The following DYNC2LI1 variants were observed in gnomAD, a reference collection of about 807,000 sequenced individuals.
DYNC2LI1 encodes dynein cytoplasmic 2 light intermediate chain 1, also known as cytoplasmic dynein 2 light intermediate chain 1.
Under a neutral mutation model 51.9 loss-of-function variants are expected in DYNC2LI1, and 45 were observed. The ratio of observed to expected loss-of-function variants is 0.87; its 90% CI spans 0.68 to 1.11. The LOEUF (loss-of-function observed/expected upper bound fraction) is 1.11, where lower values mean the gene tolerates loss of function less well. DYNC2LI1 is among the 50% of genes most tolerant of loss of function. The probability of loss-of-function intolerance (pLI) is 0.00; values close to 1 mark genes in which losing one functional copy is unlikely to be tolerated. For synonymous variants in DYNC2LI1, 130 were observed against 137.8 expected, an observed-to-expected ratio of 0.94 and a Z score of 0.40; for missense variants, 490 against 417.4, an observed-to-expected ratio of 1.17 and a Z score of -1.51.
At chr2:43,780,730 G>A (rs1673236870) in intron 2 of DYNC2LI1, among the ~76,000 whole-genome samples, 1 of 152,044 alleles carries the variant, frequency 6.6e-6, no homozygotes, top group African/African-American at 2.4e-5. Flanking sequence ...GGGATTATTG[G>A]GCCAGATTAA....
chr2:43,800,143 C>G (rs775191761), intron 8 of DYNC2LI1, among the ~76,000 whole-genome samples: 4 of 152,188 alleles, frequency 2.6e-5, no homozygotes, highest in African/African-American at 9.7e-5. Context: ...GAAATCCAAT[C>G]TAGCTTTTAA....
the DYNC2LI1 span, chr2:43,823,786 G>T: frequency 9.1e-7 from 1 of 1,095,216 alleles, no homozygotes; most frequent in Non-Finnish European, 1.3e-6. Context: ...CCCAGAGAGG[G>T]AACCTGGAGA....
chr2:43,788,772 C>T (rs1240702518), intron 4 of DYNC2LI1, among the ~76,000 whole-genome samples: 3 of 152,142 alleles, frequency 2.0e-5, no homozygotes, highest in Admixed American at 6.6e-5. Context: ...AAATTCACTA[C>T]AAGCATGTAC....
the DYNC2LI1 span, among the ~76,000 whole-genome samples, chr2:43,820,453 C>T: frequency 6.6e-6 from 1 of 152,116 alleles, no homozygotes; most frequent in Non-Finnish European, 1.5e-5. Flanking sequence ...TCTGCCTAGC[C>T]AACACCACAC....
intron 2 of DYNC2LI1, among the ~76,000 whole-genome samples, chr2:43,779,012 T>C (rs1190723250): frequency 6.6e-6 from 1 of 152,158 alleles, no homozygotes; most frequent in Non-Finnish European, 1.5e-5. Context: ...TCCCAGGACT[T>C]TGGGAGGCTG....
chr2:43,789,177 T>C (rs1460386433), intron 4 of DYNC2LI1, among the ~76,000 whole-genome samples: 1 of 152,226 alleles, frequency 6.6e-6, no homozygotes, highest in African/African-American at 2.4e-5. Flanking sequence ...CTTTTCTTCA[T>C]GCTTTACGTG....
chr2:43,810,487 C>A, downstream of DYNC2LI1: 2 of 985,388 alleles, frequency 2.0e-6, no homozygotes, highest in Non-Finnish European at 2.4e-6. Context: ...CCATTCCAAT[C>A]TGTAGATGTG....
chr2:43,828,314 A>T, the DYNC2LI1 span: 1 of 702,794 alleles, frequency 1.4e-6, no homozygotes, highest in Non-Finnish European at 2.4e-6. Flanking sequence ...CATGTGTCAG[A>T]TTTAAATAAA....
chr2:43,778,985 G>C (rs1199540172), intron 2 of DYNC2LI1, among the ~76,000 whole-genome samples: 1 of 152,188 alleles, frequency 6.6e-6, no homozygotes, highest in Non-Finnish European at 1.5e-5. Context: ...GCTGAGTGCA[G>C]TAGCTCATGC....
In DYNC2LI1 at chr2:43,807,743, C is replaced by CAAAA. The variant is rs536977133; in HGVS notation, c.994-1935_994-1932dup. Among the ~76,000 whole-genome samples the CAAAA allele has an allele frequency of 3.0e-3, 127 of 41,642 alleles. 9 individuals carry two copies. Among genetic ancestry groups the CAAAA allele is most frequent in the African/African-American group, 6.8e-3 (95 of 13,934 alleles). 27.3% of individuals were successfully genotyped at this position (41,642 alleles called of 152,430 possible). ...TTCTTTTCTATTATTTTTGTTAAAG[C>CAAAA]AAAAAAAAAAAAAAAAAAAAAAAAA... On this transcript the variant is annotated intron_variant, in intron 12 of 12. Coordinates refer to ENST00000260605, the MANE Select transcript of DYNC2LI1 (RefSeq NM_016008.4).
At chr2:43,806,858 C>G (rs1417279582) in intron 12 of DYNC2LI1, among the ~76,000 whole-genome samples, 3 of 152,074 alleles carry the variant, frequency 2.0e-5, no homozygotes, top group African/African-American at 7.2e-5. Context: ...TATCTCACTG[C>G]CAGCAGATCA....
chr2:43,796,694 T>C, intron 7 of DYNC2LI1, 24 bp from the exon 8 acceptor site: 1 of 1,566,000 alleles, frequency 6.4e-7, no homozygotes, highest in Non-Finnish European at 8.8e-7. Flanking sequence ...TATCTTGACT[T>C]TTTAAAATAA....
intron 9 of DYNC2LI1, 68 bp from the exon 10 acceptor site, chr2:43,801,571 T>TACA: frequency 8.5e-7 from 1 of 1,169,884 alleles, no homozygotes. Context: ...TGCTGTCATA[T>TACA]TTACAGGAGA....
At chr2:43,817,484 G>C in the DYNC2LI1 span, among the ~76,000 whole-genome samples, 1 of 149,936 alleles carries the variant, frequency 6.7e-6, no homozygotes, top group Non-Finnish European at 1.5e-5. Context: ...GTGAGACTCT[G>C]CGTCAAGAAA....
chr2:43,817,170 T>C, the DYNC2LI1 span, among the ~76,000 whole-genome samples: 2 of 152,236 alleles, frequency 1.3e-5, no homozygotes, highest in African/African-American at 2.4e-5. Context: ...TTTAGTATTC[T>C]TTGCAACTGC....
chr2:43,792,721 C>T, intron 5 of DYNC2LI1: 1 of 1,546,940 alleles, frequency 6.5e-7, no homozygotes. Context: ...TGAATTTGAC[C>T]ACTCCAGTAC....
chr2:43,827,466 C>T, the DYNC2LI1 span, among the ~76,000 whole-genome samples: 19 of 152,178 alleles, frequency 1.2e-4, no homozygotes, highest in Admixed American at 2.0e-4. Context: ...TTGTCCTCTC[C>T]AGCTGCATGA....
chr2:43,809,900 T>C lies in DYNC2LI1; in HGVS notation c.*133T>C. 4 of 1,430,852 alleles carry C rather than the reference T, an allele frequency of 2.8e-6. No individual in the cohort carries two copies. The highest frequency in any genetic ancestry group is 3.7e-6 in the Non-Finnish European group (4 of 1,093,630). The allele number at this position is 1,430,852 out of a possible 1,614,324, so 88.6% of individuals were successfully genotyped here. ...TTGTTAAAGGACAAGCTGGATTTCT[T>C]GGACTAGTGCATCTCCCTGTATATC... On this transcript the variant is annotated 3_prime_UTR_variant, in exon 13 of 13. Coordinates refer to ENST00000260605, the MANE Select transcript of DYNC2LI1 (RefSeq NM_016008.4).
At chr2:43,824,764 A>C in the DYNC2LI1 span, 1 of 1,489,760 alleles carries the variant, frequency 6.7e-7, no homozygotes. Flanking sequence ...TGATTCCTTG[A>C]AGAGTATAAA....
Sources: allele counts gnomAD v4.1 joint callset (sites outside exome capture counted in the v4.1 genomes callset), GRCh38; gene constraint gnomAD v4.1.1; transcripts MANE v1.5; gene names NCBI Gene and HGNC (gene_info 2026-07-23, HGNC 2026-07-21).